The following SNTG2 variants were observed in gnomAD, a reference collection of about 807,000 sequenced individuals.
SNTG2 encodes gamma-2-syntrophin.
Under a neutral mutation model 70.9 loss-of-function variants are expected in SNTG2, and 74 were observed. The observed-to-expected ratio is 1.04, with a 90% CI of 0.86 to 1.27. The LOEUF is 1.27. Among genes scored for constraint, SNTG2 ranks in the 50% most tolerant of loss-of-function variants. The pLI, the probability that SNTG2 is intolerant of heterozygous loss-of-function variation, is 0.00. For missense variants in SNTG2, 717 were observed against 690.7 expected (o/e 1.04, Z -0.43); for synonymous variants, 278 against 273.8 (o/e 1.02, Z -0.15).
At chr2:969,580 C>G (rs551783086) in intron 1 of SNTG2, among the ~76,000 whole-genome samples, 348 of 152,294 alleles carry the variant, frequency 2.3e-3, no homozygotes, top group Admixed American at 3.9e-3. Flanking sequence ...TATTTCACCT[C>G]CCTGCTTAGC....
At position 1,038,770 on chromosome 2, in the gene SNTG2, G is replaced by GT. The variant is rs1016867282; in HGVS notation, c.73-44743dup. Among the ~76,000 whole-genome samples the GT allele has an allele frequency of 4.6e-5, 7 of 152,276 alleles. No homozygotes were observed. The East Asian group carries it at 1.2e-3, about 25-fold the overall frequency. On this transcript the variant is annotated intron_variant, in intron 1 of 16. Coordinates refer to ENST00000308624, the MANE Select transcript of SNTG2 (RefSeq NM_018968.4). ...AAGCCTGGTAAATCAAGTAACTAAA[G>GT]TTTTTATTATTTAAAGGAAAGCTAG... is the stretch of plus-strand genomic sequence containing the variant.
chr2:1,288,256 G>A (rs1679846794), intron 14 of SNTG2, among the ~76,000 whole-genome samples: 1 of 152,160 alleles, frequency 6.6e-6, no homozygotes, highest in Non-Finnish European at 1.5e-5. Flanking sequence ...TCTGTGCACA[G>A]ATCTGACATC....
intron 14 of SNTG2, among the ~76,000 whole-genome samples, chr2:1,307,535 A>T (rs1317450662): frequency 2.0e-5 from 3 of 151,906 alleles, no homozygotes; most frequent in Non-Finnish European, 2.9e-5. Flanking sequence ...CACAAGAGTA[A>T]CGTGTTTGGA....
At chr2:988,917 C>G (rs936233850) in intron 1 of SNTG2, among the ~76,000 whole-genome samples, 1 of 152,084 alleles carries the variant, frequency 6.6e-6, no homozygotes, top group East Asian at 1.9e-4. Context: ...ATTCTACCAG[C>G]CATGTTTTAC....
At chr2:1,193,195 C>T (rs1317945937) in intron 8 of SNTG2, among the ~76,000 whole-genome samples, 1 of 152,220 alleles carries the variant, frequency 6.6e-6, no homozygotes, top group Admixed American at 6.5e-5. Context: ...TTCAAAGTTG[C>T]TCCTTAAAAT....
chr2:1,142,273 T>G (rs1021399856), intron 6 of SNTG2, among the ~76,000 whole-genome samples: 10 of 152,224 alleles, frequency 6.6e-5, no homozygotes, highest in Admixed American at 6.5e-4. Context: ...TAGATAGATC[T>G]GCAGGTCAAA....
chr2:1,301,869 G>C (rs1680468533), intron 14 of SNTG2, among the ~76,000 whole-genome samples: 1 of 151,904 alleles, frequency 6.6e-6, no homozygotes, highest in Non-Finnish European at 1.5e-5. Flanking sequence ...AATGATGAAA[G>C]AAGGAACCTG....
chr2:1,278,554 C>T (rs1351898387), intron 14 of SNTG2, among the ~76,000 whole-genome samples: 1 of 152,190 alleles, frequency 6.6e-6, no homozygotes, highest in South Asian at 2.1e-4. Flanking sequence ...AGATTCCTTA[C>T]GCATCTTACA....
chr2:1,315,346 G>A (rs912159610), intron 15 of SNTG2, among the ~76,000 whole-genome samples: 1 of 152,210 alleles, frequency 6.6e-6, no homozygotes, highest in African/African-American at 2.4e-5. Context: ...TCAATGGTCA[G>A]ATGGGATAGA....
At chr2:1,105,560 C>G (rs764233744) in intron 4 of SNTG2, among the ~76,000 whole-genome samples, 1 of 152,148 alleles carries the variant, frequency 6.6e-6, no homozygotes, top group Non-Finnish European at 1.5e-5. Context: ...TGTTTTAATA[C>G]CTAAAATCAC....
intron 15 of SNTG2, among the ~76,000 whole-genome samples, chr2:1,311,553 G>T (rs140560409): frequency 6.6e-6 from 1 of 152,168 alleles, no homozygotes; most frequent in South Asian, 2.1e-4. Flanking sequence ...TCATGTCAAT[G>T]TAGGATGACA....
intron 8 of SNTG2, among the ~76,000 whole-genome samples, chr2:1,179,686 T>C (rs1442804405): frequency 1.3e-5 from 2 of 151,864 alleles, no homozygotes; most frequent in South Asian, 4.2e-4. Context: ...AAGCTACCAA[T>C]GACTTTCTTC....
intron 15 of SNTG2, among the ~76,000 whole-genome samples, chr2:1,310,485 A>G (rs13425061): frequency 0.44 from 66,609 of 151,974 alleles, 14,779 homozygotes; most frequent in Middle Eastern, 0.54. Flanking sequence ...CCATCACCAC[A>G]TTCAGCCAAG....
At chr2:1,271,939 T>C (rs1679044560) in intron 14 of SNTG2, among the ~76,000 whole-genome samples, 1 of 152,108 alleles carries the variant, frequency 6.6e-6, no homozygotes, top group Non-Finnish European at 1.5e-5. Context: ...GATTGGCTTC[T>C]CGTCAAGGGA....
At chr2:1,141,181 G>A (rs1019049297) in intron 6 of SNTG2, among the ~76,000 whole-genome samples, 1 of 152,196 alleles carries the variant, frequency 6.6e-6, no homozygotes, top group East Asian at 1.9e-4. Flanking sequence ...AGAAGAAGGG[G>A]TTCCTAATAC....
chr2:1,221,438 T>C (rs1302645316), intron 9 of SNTG2, among the ~76,000 whole-genome samples: 1 of 113,214 alleles, frequency 8.8e-6, no homozygotes. Context: ...TCTCTCTCTG[T>C]CTCTGTCTCT....
At chr2:1,127,982 C>T (rs758647449) in intron 4 of SNTG2, among the ~76,000 whole-genome samples, 3 of 152,096 alleles carry the variant, frequency 2.0e-5, no homozygotes, top group Non-Finnish European at 2.9e-5. Flanking sequence ...CTAGGACTTC[C>T]AGTACTATGT....
intron 4 of SNTG2, among the ~76,000 whole-genome samples, chr2:1,129,199 T>A (rs570214156): frequency 6.6e-5 from 10 of 152,336 alleles, no homozygotes; most frequent in African/African-American, 2.4e-4. Flanking sequence ...AACAAATGAT[T>A]TCCTAAGAAA....
intron 6 of SNTG2, among the ~76,000 whole-genome samples, chr2:1,144,330 A>C (rs73160113): frequency 1.6e-3 from 246 of 152,330 alleles, no homozygotes; most frequent in African/African-American, 5.5e-3. Flanking sequence ...GAAAGGACAT[A>C]ACAAATTTCA....
Sources: gnomAD v4.1 joint callset for allele counts (sites outside exome capture counted in the v4.1 genomes callset) on GRCh38, gnomAD v4.1.1 for gene constraint, MANE v1.5 for transcripts, NCBI Gene and HGNC (gene_info 2026-07-23, HGNC 2026-07-21) for gene names.